The following MED9 variants were observed in gnomAD, a reference collection of about 807,000 sequenced individuals.
MED9 encodes mediator of RNA polymerase II transcription subunit 9.
In MED9, 8 loss-of-function variants were observed where a neutral mutation model predicts 13.2. The ratio of observed to expected loss-of-function variants is 0.61; its 90% CI spans 0.36 to 1.10. The LOEUF is 1.10. Among genes scored for constraint, MED9 ranks in the 50% least tolerant of loss-of-function variants. The pLI is 0.02. For synonymous variants in MED9, 87 were observed against 82.8 expected, an observed-to-expected ratio of 1.05 and a Z score of -0.28; for missense variants, 180 against 193.4, an observed-to-expected ratio of 0.93 and a Z score of 0.41.
intron 1 of MED9, among the ~76,000 whole-genome samples, chr17:17,481,070 C>T (rs1250208016): frequency 1.3e-5 from 2 of 152,154 alleles, no homozygotes; most frequent in Non-Finnish European, 2.9e-5. Context: ...AGCATACATC[C>T]AAGGCAGGAA....
At chr17:17,478,762 C>T (rs1904973270) in intron 1 of MED9, among the ~76,000 whole-genome samples, 1 of 151,718 alleles carries the variant, frequency 6.6e-6, no homozygotes, top group African/African-American at 2.4e-5. Context: ...GAGGCTGAGG[C>T]AGGAGAATCA....
At chr17:17,482,433 C>T (rs1472331313) in intron 1 of MED9, among the ~76,000 whole-genome samples, 1 of 152,114 alleles carries the variant, frequency 6.6e-6, no homozygotes, top group Non-Finnish European at 1.5e-5. Flanking sequence ...CCTTCATAGG[C>T]GATTTTATAT....
At position 17,489,715 on chromosome 17, in the gene MED9, C is replaced by G. The variant is rs76762684; in HGVS notation, c.225-1564C>G. Among the ~76,000 whole-genome samples the G allele has an allele frequency of 9.4e-4, 143 of 152,306 alleles. 1 individual carries two copies. In the East Asian group the frequency reaches 0.026, roughly 28 times the overall value. Reference sequence around the variant, plus strand: ...AATACCAGTTCATCCTCTCTAGAATCTGCGATAAGGTATACTGTTAATGGT... The same window carrying G: ...AATACCAGTTCATCCTCTCTAGAATGTGCGATAAGGTATACTGTTAATGGT... On this transcript the variant is annotated intron_variant, in intron 1 of 1. Transcript: ENST00000268711.
chr17:17,488,569 T>TA (rs1463757646), intron 1 of MED9, among the ~76,000 whole-genome samples: 1 of 152,152 alleles, frequency 6.6e-6, no homozygotes, highest in Non-Finnish European at 1.5e-5. Flanking sequence ...TGCGGTGGCT[T>TA]ACGCCTGTAA....
At position 17,480,597 on chromosome 17, in the gene MED9, G is replaced by A. The variant is rs75062694; in HGVS notation, c.224+3332G>A. Among the ~76,000 whole-genome samples, 319 of 152,226 alleles carry A rather than the reference G, an allele frequency of 2.1e-3. 1 individual carries two copies. The highest frequency in any genetic ancestry group is 6.7e-3 in the African/African-American group (277 of 41,508). ...CTTGAACCCAGGGAGCTGAGGCTAC[G>A]GTGAGCCATGATCGCACTGCTACAC... On this transcript the variant is annotated intron_variant, in intron 1 of 1. Transcript: ENST00000268711.
chr17:17,480,798 G>A (rs1905020776), intron 1 of MED9, among the ~76,000 whole-genome samples: 1 of 152,108 alleles, frequency 6.6e-6, no homozygotes, highest in Admixed American at 6.5e-5. Context: ...GAAGAGGCTA[G>A]GATCCAACCT....
intron 1 of MED9, among the ~76,000 whole-genome samples, chr17:17,488,571 C>T (rs996187443): frequency 6.6e-5 from 10 of 152,186 alleles, no homozygotes; most frequent in African/African-American, 2.2e-4. Context: ...CGGTGGCTTA[C>T]GCCTGTAATC....
chr17:17,491,885 C>T lies in MED9; in HGVS notation c.*390C>T, dbSNP rs1255988166. 6.9e-6 allele frequency: 2 copies of T among 289,028 alleles called. No homozygotes were observed. The highest frequency in any genetic ancestry group is 1.4e-5 in the Non-Finnish European group (2 of 148,092). 17.9% of individuals were successfully genotyped at this position (289,028 alleles called of 1,614,324 possible). A position where few individuals can be genotyped will look rare whatever the true frequency, so the allele number is the denominator to read the frequency against. On this transcript the variant is annotated 3_prime_UTR_variant, in exon 2 of 2. Coordinates refer to ENST00000268711, the MANE Select transcript of MED9 (RefSeq NM_018019.3). ...GGAGGCGGCTCCTCTTTGCTTCCTTCCCTCTCTCTCCTCCCACCCCCATAG... is the reference window on the plus strand; with the variant it reads ...GGAGGCGGCTCCTCTTTGCTTCCTTTCCTCTCTCTCCTCCCACCCCCATAG...
chr17:17,491,348 C>CA lies in MED9; in HGVS notation c.296dup (p.Leu100AlafsTer31). ...TCAAAAGCAAGTTCCAGGAGATGCG[C>CA]AAGCTCATCAGCACCATGCCCGGCA... On this transcript the variant is annotated frameshift_variant, in exon 2 of 2. Transcript: ENST00000268711. LOFTEE classifies it high-confidence loss of function. 6.2e-7 allele frequency: 1 copy of CA among 1,614,038 alleles called. No homozygotes were observed. The highest frequency in any genetic ancestry group is 8.5e-7 in the Non-Finnish European group (1 of 1,180,034).
rs1387494837 is a variant in MED9 at position 17,492,028 on chromosome 17, G to A, written c.*533G>A. 1 of 160,818 alleles carries A rather than the reference G, an allele frequency of 6.2e-6. No homozygotes were observed. The highest frequency in any genetic ancestry group is 1.4e-5 in the Non-Finnish European group (1 of 72,374). The allele number at this position is 160,818 out of a possible 1,614,324, so 10.0% of individuals were successfully genotyped here. A position where few individuals can be genotyped will look rare whatever the true frequency, so the allele number is the denominator to read the frequency against. On this transcript the variant is annotated 3_prime_UTR_variant, in exon 2 of 2. Transcript: ENST00000268711. The stretch of plus-strand genomic sequence containing the variant: ...ATATGGCATAGAATTGTGAGAGAAT[G>A]TTTTGAAAGGCCAGAGGGTGGCCTT...
intron 1 of MED9, chr17:17,484,955 A>G (rs1905099776): frequency 6.5e-6 from 1 of 153,948 alleles, no homozygotes; most frequent in South Asian, 2.1e-4. Flanking sequence ...CACAGTTTGA[A>G]TTTGCCTGAA....
intron 1 of MED9, among the ~76,000 whole-genome samples, chr17:17,481,570 C>A (rs989693344): frequency 2.0e-5 from 3 of 152,174 alleles, no homozygotes; most frequent in African/African-American, 7.2e-5. Flanking sequence ...GAGATCACGT[C>A]GTACTTGACT....
In MED9 at chr17:17,492,331, T is replaced by A. The variant is rs1198445698; in HGVS notation, c.*836T>A. The A allele has an allele frequency of 6.6e-6, 1 of 152,266 alleles. No individual in the cohort carries two copies. The highest frequency in any genetic ancestry group is 1.5e-5 in the Non-Finnish European group (1 of 68,086). 9.4% of individuals were successfully genotyped at this position (152,266 alleles called of 1,614,324 possible). A position where few individuals can be genotyped will look rare whatever the true frequency, so the allele number is the denominator to read the frequency against. On this transcript the variant is annotated 3_prime_UTR_variant, in exon 2 of 2. Transcript: ENST00000268711. ...AAGAGGTCTTCAGGCGAACCGACCT[T>A]CCCCCTTCTGGCATTTCAGATTCCC...
rs1264185433 is a variant in MED9, at chr17:17,492,612, C to G, written c.*1117C>G. ...ATGGGACGTTTTATTTGTGTGCTCT[C>G]CCTTGACTGTCAGATTGAAGTAAGA... On this transcript the variant is annotated 3_prime_UTR_variant, in exon 2 of 2. Coordinates refer to ENST00000268711, the MANE Select transcript of MED9 (RefSeq NM_018019.3). The G allele has an allele frequency of 1.3e-5, 2 of 152,260 alleles. No homozygotes were observed. Among genetic ancestry groups the G allele is most frequent in the Non-Finnish European group, 2.9e-5 (2 of 68,052 alleles). 9.4% of individuals were successfully genotyped at this position (152,260 alleles called of 1,614,324 possible).
chr17:17,490,186 A>G (rs1002071974), intron 1 of MED9, among the ~76,000 whole-genome samples: 14 of 152,242 alleles, frequency 9.2e-5, no homozygotes, highest in African/African-American at 2.9e-4. Context: ...CTGTAATCCC[A>G]GCACTTTGGG....
intron 1 of MED9, among the ~76,000 whole-genome samples, chr17:17,484,699 G>A (rs949217995): frequency 2.0e-5 from 3 of 152,344 alleles, no homozygotes; most frequent in African/African-American, 4.8e-5. Context: ...CAGATGAGGT[G>A]TTTCCAGTCT....
intron 1 of MED9, chr17:17,487,613 C>T (rs1266488445): frequency 1.2e-5 from 2 of 171,614 alleles, no homozygotes; most frequent in South Asian, 1.6e-4. Context: ...TCAGAAGGGA[C>T]AGACTTCAGA....
chr17:17,492,969 AT>A lies in MED9; in HGVS notation c.*1477del, dbSNP rs1408436069. On this transcript the variant is annotated 3_prime_UTR_variant, in exon 2 of 2. Transcript: ENST00000268711. ...AGACCAGGTCTACCTTGGGACTGTT[AT>A]TTAACTGAATCAGTTATTTCCTTGA... 1 of 152,246 alleles carries A rather than the reference AT, an allele frequency of 6.6e-6. No homozygotes were observed. Among genetic ancestry groups the A allele is most frequent in the Non-Finnish European group, 1.5e-5 (1 of 68,044 alleles). The allele number at this position is 152,246 out of a possible 1,614,324, so 9.4% of individuals were successfully genotyped here.
intron 1 of MED9, among the ~76,000 whole-genome samples, chr17:17,484,245 A>G (rs1274588051): frequency 2.0e-5 from 3 of 152,230 alleles, no homozygotes; most frequent in East Asian, 1.9e-4. Flanking sequence ...GACATTGGGT[A>G]CTTTAAAAAC....
Sources: allele counts gnomAD v4.1 joint callset (sites outside exome capture counted in the v4.1 genomes callset), GRCh38; gene constraint gnomAD v4.1.1; transcripts MANE v1.5; gene names NCBI Gene and HGNC (gene_info 2026-07-23, HGNC 2026-07-21).